Variants in PLEKHA7 observed in about 807,000 individuals in gnomAD.
PLEKHA7 encodes the protein pleckstrin homology domain containing A7, also known as pleckstrin homology domain-containing family A member 7.
PLEKHA7 carries 104 observed loss-of-function variants against 170.0 expected under a neutral mutation model. That is an observed-to-expected ratio of 0.61 (90% confidence interval 0.52 to 0.72). The LOEUF (loss-of-function observed/expected upper bound fraction) is 0.72, where lower values mean the gene tolerates loss of function less well. Among genes scored for constraint, PLEKHA7 ranks in the 30% least tolerant of loss-of-function variants. The pLI is 0.00. For missense variants in PLEKHA7, 1,615 were observed against 1,671.7 expected (o/e 0.97, Z 0.59); for synonymous variants, 648 against 660.8 (o/e 0.98, Z 0.30).
chr11:16,805,593 C>G (rs1186854183), intron 13 of PLEKHA7, among the ~76,000 whole-genome samples: 3 of 151,856 alleles, frequency 2.0e-5, no homozygotes, highest in African/African-American at 7.3e-5. Flanking sequence ...AGTTCAAGAT[C>G]AGTCTGGCCA....
chr11:16,862,256 A>C (rs1854022031), intron 4 of PLEKHA7, among the ~76,000 whole-genome samples: 2 of 152,146 alleles, frequency 1.3e-5, no homozygotes, highest in African/African-American at 4.8e-5. Flanking sequence ...TGGCATGAAA[A>C]TAACCCATAA....
intron 24 of PLEKHA7, among the ~76,000 whole-genome samples, chr11:16,785,170 CA>C (rs1159096466): frequency 6.6e-6 from 1 of 152,212 alleles, no homozygotes; most frequent in African/African-American, 2.4e-5. Flanking sequence ...ATACCATTGG[CA>C]AATCAGCTTG....
chr11:16,884,860 T>C (rs941053128), intron 3 of PLEKHA7, among the ~76,000 whole-genome samples: 25 of 152,160 alleles, frequency 1.6e-4, no homozygotes, highest in African/African-American at 6.0e-4. Flanking sequence ...AGTAAAGAAA[T>C]TTCTGTAAAT....
intron 3 of PLEKHA7, among the ~76,000 whole-genome samples, chr11:16,887,869 G>A (rs1221505252): frequency 1.3e-5 from 2 of 151,996 alleles, no homozygotes; most frequent in Non-Finnish European, 2.9e-5. Flanking sequence ...TCTGGGATGT[G>A]AGGAGCCCCT....
intron 24 of PLEKHA7, among the ~76,000 whole-genome samples, chr11:16,784,076 C>T (rs1006774575): frequency 2.6e-5 from 4 of 152,154 alleles, no homozygotes; most frequent in South Asian, 2.1e-4. Flanking sequence ...AAGGGAAGGG[C>T]GAAATAACTA....
chr11:16,823,827 C>T (rs1359767738), intron 10 of PLEKHA7, among the ~76,000 whole-genome samples: 1 of 152,166 alleles, frequency 6.6e-6, no homozygotes, highest in Non-Finnish European at 1.5e-5. Context: ...TAGCATTATT[C>T]ACAATAGCCA....
chr11:16,790,053 G>A, intron 21 of PLEKHA7, 175 bp from the exon 22 acceptor site: 1 of 638,212 alleles, frequency 1.6e-6, no homozygotes, highest in South Asian at 1.9e-5. Context: ...GAGGATGGGG[G>A]CCAGCCCAGG....
chr11:16,985,851 T>G (rs929962616), intron 3 of PLEKHA7, among the ~76,000 whole-genome samples: 3 of 152,196 alleles, frequency 2.0e-5, no homozygotes, highest in African/African-American at 7.2e-5. Flanking sequence ...ACTACTGTAC[T>G]CCTCAGTACA....
At chr11:16,981,083 G>A (rs1863399453) in intron 3 of PLEKHA7, among the ~76,000 whole-genome samples, 1 of 152,148 alleles carries the variant, frequency 6.6e-6, no homozygotes, top group African/African-American at 2.4e-5. Flanking sequence ...AGGACAGGGA[G>A]TGACAAAAGC....
intron 17 of PLEKHA7, chr11:16,795,260 T>G (rs1848141125): frequency 2.0e-6 from 1 of 503,032 alleles, no homozygotes; most frequent in African/African-American, 1.9e-5. Context: ...CCTACCTAAT[T>G]TAAAAACAGA....
At chr11:16,984,429 C>A (rs1019840619) in intron 3 of PLEKHA7, among the ~76,000 whole-genome samples, 1 of 152,182 alleles carries the variant, frequency 6.6e-6, no homozygotes, top group Non-Finnish European at 1.5e-5. Flanking sequence ...TCTGCTGACT[C>A]AGGGTGAAAG....
Position 16,813,166 on chromosome 11 carries a change from C to T in PLEKHA7, c.1954G>A (p.Ala652Thr). The T allele has an allele frequency of 1.2e-6, 2 of 1,613,064 alleles. No individual in the cohort carries two copies. The highest frequency in any genetic ancestry group is 1.7e-6 in the Non-Finnish European group (2 of 1,179,136). ...VSAPSLHGKS[A>T]DDTYLQLKKD... Reference sequence around the variant, plus strand: ...TTCAGCTGGAGGTAGGTATCATCAGCCTTCAAATGAAGCAGAGAGGAAAAA... The same window carrying T: ...TTCAGCTGGAGGTAGGTATCATCAGTCTTCAAATGAAGCAGAGAGGAAAAA... Residue 652 changes from alanine to threonine, a missense_variant and splice_region_variant, in exon 13 of 27, where the codon GCT (alanine) becomes ACT (threonine). Physicochemically the swap from Ala to Thr is moderately conservative, Grantham distance 58. Coordinates refer to ENST00000531066, the MANE Select transcript of PLEKHA7 (RefSeq NM_001329630.2).
At chr11:16,906,274 G>GGAAGGAAA (rs1401020177) in intron 3 of PLEKHA7, among the ~76,000 whole-genome samples, 2 of 85,974 alleles carry the variant, frequency 2.3e-5, no homozygotes, top group Admixed American at 1.2e-4. Flanking sequence ...AAGGAAGGAA[G>GGAAGGAAA]GAAGGAAAGA....
chr11:17,003,652 G>A (rs759076479), intron 3 of PLEKHA7, among the ~76,000 whole-genome samples: 11 of 152,208 alleles, frequency 7.2e-5, no homozygotes, highest in Non-Finnish European at 1.5e-4. Context: ...ATGTGGTGGA[G>A]GTGAATTAGA....
intron 4 of PLEKHA7, among the ~76,000 whole-genome samples, chr11:16,857,953 A>C (rs1853609371): frequency 6.6e-6 from 1 of 152,218 alleles, no homozygotes; most frequent in African/African-American, 2.4e-5. Context: ...TCCTAACCTC[A>C]GGTGATCCGC....
chr11:16,918,186 G>A (rs1728750300), intron 3 of PLEKHA7, among the ~76,000 whole-genome samples: 1 of 152,212 alleles, frequency 6.6e-6, no homozygotes, highest in Non-Finnish European at 1.5e-5. Flanking sequence ...ACGGACAGAA[G>A]CAGGATAAGG....
chr11:16,989,011 G>A (rs1316950803), intron 3 of PLEKHA7, among the ~76,000 whole-genome samples: 2 of 152,206 alleles, frequency 1.3e-5, no homozygotes, highest in Non-Finnish European at 2.9e-5. Flanking sequence ...CAACCCTTCA[G>A]AAGGACCCCA....
At chr11:16,963,146 G>A (rs1862169428) in intron 3 of PLEKHA7, among the ~76,000 whole-genome samples, 1 of 152,324 alleles carries the variant, frequency 6.6e-6, no homozygotes, top group Admixed American at 6.5e-5. Context: ...GGAGGGCCAT[G>A]CCACTTCTGT....
At chr11:16,864,063 C>CT in intron 4 of PLEKHA7, among the ~76,000 whole-genome samples, 1 of 152,292 alleles carries the variant, frequency 6.6e-6, no homozygotes, top group East Asian at 1.9e-4. Context: ...ACTCAGCGCA[C>CT]TGAGTATGGA....
Sources: gnomAD v4.1 joint callset for allele counts (sites outside exome capture counted in the v4.1 genomes callset) on GRCh38, gnomAD v4.1.1 for gene constraint, MANE v1.5 for transcripts, NCBI Gene and HGNC (gene_info 2026-07-23, HGNC 2026-07-21) for gene names.